EDARADD: variants seen among roughly 807,000 people sequenced by gnomAD.
EDARADD encodes EDAR associated via death domain.
Under a neutral mutation model 25.6 loss-of-function variants are expected in EDARADD, and 20 were observed. That is an observed-to-expected ratio of 0.78 (90% confidence interval 0.55 to 1.14). The LOEUF is 1.14. EDARADD is among the 50% of genes most tolerant of loss of function. EDARADD has a pLI of 0.00. For synonymous variants in EDARADD, 86 were observed against 94.4 expected, an observed-to-expected ratio of 0.91 and a Z score of 0.52; for missense variants, 225 against 270.1, an observed-to-expected ratio of 0.83 and a Z score of 1.17.
chr1:236,446,006 G>A (rs1355987991), intron 4 of EDARADD, among the ~76,000 whole-genome samples: 1 of 152,218 alleles, frequency 6.6e-6, no homozygotes, highest in Non-Finnish European at 1.5e-5. Context: ...GTCGGAGAGT[G>A]AGAAGTCGTG....
intron 4 of EDARADD, among the ~76,000 whole-genome samples, chr1:236,437,501 A>T (rs1238369972): frequency 6.6e-6 from 1 of 152,012 alleles, no homozygotes; most frequent in Non-Finnish European, 1.5e-5. Context: ...AGGAAGAAAG[A>T]CTGAGGCCAG....
chr1:236,352,614 A>G (rs12143638), intron 3 of EDARADD, among the ~76,000 whole-genome samples: 52,535 of 151,854 alleles, frequency 0.35, 9,337 homozygotes, highest in African/African-American at 0.43. Context: ...TTGGGAGGCC[A>G]AGGCGGGTGG....
chr1:236,409,986 A>T (rs1657411002), intron 2 of EDARADD, among the ~76,000 whole-genome samples: 1 of 151,990 alleles, frequency 6.6e-6, no homozygotes. Context: ...TCTGAGCCAC[A>T]TCCTCTCCCC....
intron 4 of EDARADD, among the ~76,000 whole-genome samples, chr1:236,444,263 T>C (rs573687083): frequency 1.4e-4 from 22 of 152,174 alleles, no homozygotes; most frequent in Admixed American, 6.5e-4. Flanking sequence ...ATTATTATTA[T>C]TTTATTTTAT....
rs1045342641 is a variant in EDARADD at position 236,468,284 on chromosome 1, A to G, written c.265+8A>G. ...CTGGAGATCCTCTTCCAGGTAAATG[A>G]TTGATTCTAAAGCTATCTGGGCTAA... On this transcript the variant is annotated splice_region_variant and intron_variant, in intron 5 of 5. Coordinates refer to ENST00000334232, the MANE Select transcript of EDARADD (RefSeq NM_145861.4). 6.2e-7 allele frequency: 1 copy of G among 1,613,854 alleles called. No homozygotes were observed. The highest frequency in any genetic ancestry group is 1.3e-5 in the African/African-American group (1 of 75,024).
chr1:236,424,543 G>A (rs1376781135), intron 3 of EDARADD, among the ~76,000 whole-genome samples: 4 of 151,846 alleles, frequency 2.6e-5, no homozygotes, highest in Admixed American at 6.6e-5. Context: ...TTTTGGCAGG[G>A]GCAGTCTTCT....
At chr1:236,480,241 G>T (rs1659635482) in intron 5 of EDARADD, among the ~76,000 whole-genome samples, 1 of 150,116 alleles carries the variant, frequency 6.7e-6, no homozygotes, top group African/African-American at 2.5e-5. Context: ...ACATTTTCTA[G>T]GTTGCCATAT....
At position 236,483,670 on chromosome 1, in the gene EDARADD, T is replaced by C. The variant is rs139959221; in HGVS notation, c.*1021T>C. The stretch of plus-strand genomic sequence containing the variant: ...ACCAAGCTGGCCATGCAGGAGTTCA[T>C]GGTCCTCCCAGTCGGTGCAGCAAAC... On this transcript the variant is annotated 3_prime_UTR_variant, in exon 6 of 6. Transcript: ENST00000334232. 138 of 1,574,002 alleles carry C rather than the reference T, an allele frequency of 8.8e-5. 1 individual carries two copies. The highest frequency in any genetic ancestry group is 8.4e-4 in the African/African-American group (62 of 74,124).
intron 4 of EDARADD, among the ~76,000 whole-genome samples, chr1:236,441,044 C>T (rs765913130): frequency 1.3e-5 from 2 of 152,080 alleles, no homozygotes; most frequent in Non-Finnish European, 2.9e-5. Flanking sequence ...CTAGGTCTCT[C>T]ATGCTAAACA....
chr1:236,459,764 C>T (rs1558132078), intron 4 of EDARADD, among the ~76,000 whole-genome samples: 2 of 151,904 alleles, frequency 1.3e-5, no homozygotes, highest in African/African-American at 2.4e-5. Flanking sequence ...AGGCTCCCAC[C>T]GCCACACCCA....
chr1:236,415,281 CA>C (rs1657606933), intron 3 of EDARADD, among the ~76,000 whole-genome samples: 2 of 152,048 alleles, frequency 1.3e-5, no homozygotes, highest in South Asian at 4.2e-4. Flanking sequence ...TGTGGCTAGA[CA>C]AAGGGGTGAG....
At chr1:236,400,220 C>G (rs938307007) in intron 1 of EDARADD, among the ~76,000 whole-genome samples, 1 of 152,150 alleles carries the variant, frequency 6.6e-6, no homozygotes, top group African/African-American at 2.4e-5. Context: ...TTCTCTCTAC[C>G]CAAGCATTTT....
At chr1:236,405,747 T>TTC (rs759387761) in intron 1 of EDARADD, among the ~76,000 whole-genome samples, 3 of 49,638 alleles carry the variant, frequency 6.0e-5, no homozygotes, top group African/African-American at 2.2e-4. Context: ...CTTTCTTTCT[T>TTC]TCTTTCTTTC....
At chr1:236,366,936 G>C (rs950279029) in intron 3 of EDARADD, among the ~76,000 whole-genome samples, 1 of 151,742 alleles carries the variant, frequency 6.6e-6, no homozygotes, top group African/African-American at 2.4e-5. Flanking sequence ...AATTAGCCGG[G>C]CATGGTGGCA....
intron 1 of EDARADD, among the ~76,000 whole-genome samples, chr1:236,400,280 C>T (rs948447578): frequency 6.6e-6 from 1 of 152,090 alleles, no homozygotes; most frequent in African/African-American, 2.4e-5. Flanking sequence ...CTCCCCTGCC[C>T]TCTTCTGTTT....
chr1:236,394,912 G>A (rs1355278419), intron 1 of EDARADD, among the ~76,000 whole-genome samples: 1 of 152,206 alleles, frequency 6.6e-6, no homozygotes, highest in Non-Finnish European at 1.5e-5. Context: ...GAGAAGCTGT[G>A]AGTGTGTATT....
chr1:236,368,741 T>C (rs12030605), intron 3 of EDARADD, among the ~76,000 whole-genome samples: 133,072 of 152,212 alleles, frequency 0.87, 58,242 homozygotes, highest in East Asian at 0.88. Flanking sequence ...CATGCGGCTT[T>C]TATCCAGTCA....
intron 4 of EDARADD, among the ~76,000 whole-genome samples, chr1:236,458,809 A>G (rs970512204): frequency 1.1e-4 from 16 of 151,542 alleles, no homozygotes; most frequent in Admixed American, 3.3e-4. Flanking sequence ...ACGCCCAGCT[A>G]CTTTTTGTAT....
At chr1:236,468,052 C>T (rs78452294) in intron 4 of EDARADD, among the ~76,000 whole-genome samples, 179 bp from the exon 5 acceptor site, 2,637 of 152,232 alleles carry the variant, frequency 0.017, 32 homozygotes, top group Middle Eastern at 0.027. Context: ...TCAAGGTGCT[C>T]GTATTCTAGA....
Sources: allele counts gnomAD v4.1 joint callset (sites outside exome capture counted in the v4.1 genomes callset), GRCh38; gene constraint gnomAD v4.1.1; transcripts MANE v1.5; gene names NCBI Gene and HGNC (gene_info 2026-07-23, HGNC 2026-07-21).